The following FOXR1 variants were observed in gnomAD, a reference collection of about 807,000 sequenced individuals.
FOXR1 encodes forkhead box protein R1.
In FOXR1, 25 loss-of-function variants were observed where a neutral mutation model predicts 34.5. That is an observed-to-expected ratio of 0.72 (90% CI 0.53 to 1.01). The LOEUF is 1.01. FOXR1 is among the 50% of genes least tolerant of loss of function. The pLI is 0.00. For missense variants in FOXR1, 373 were observed against 376.2 expected (o/e 0.99, Z 0.07); for synonymous variants, 153 against 141.6 (o/e 1.08, Z -0.57).
chr11:118,980,773 G>A, intron 5 of FOXR1, 45 bp downstream of exon 5: 4 of 1,569,974 alleles, frequency 2.5e-6, no homozygotes, highest in Non-Finnish European at 3.5e-6. Context: ...AGAGACCTGA[G>A]GATCCTGACC....
intron 1 of FOXR1, among the ~76,000 whole-genome samples, chr11:118,977,988 G>C (rs56004953): frequency 0.013 from 1,948 of 152,234 alleles, 43 homozygotes; most frequent in East Asian, 0.058. Flanking sequence ...GGGAGGGTGA[G>C]GCAGGCAGAT....
At chr11:118,978,347 C>G (rs1447703039) in intron 1 of FOXR1, among the ~76,000 whole-genome samples, 1 of 152,004 alleles carries the variant, frequency 6.6e-6, no homozygotes. Flanking sequence ...AGAGCAAGAC[C>G]CTGTCTCAAA....
chr11:118,978,282 G>A (rs1441094861), intron 1 of FOXR1, among the ~76,000 whole-genome samples: 1 of 152,086 alleles, frequency 6.6e-6, no homozygotes, highest in African/African-American at 2.4e-5. Context: ...AGCTACCTGG[G>A]AGACTGAGGT....
At chr11:118,974,880 A>T (rs1016980473) in intron 1 of FOXR1, among the ~76,000 whole-genome samples, 1 of 152,166 alleles carries the variant, frequency 6.6e-6, no homozygotes, top group African/African-American at 2.4e-5. Context: ...GTTGCCTTGT[A>T]CTGAGTGGGA....
At position 118,978,756 on chromosome 11, in the gene FOXR1, ACTCT is replaced by A. The variant is rs781971219; in HGVS notation, c.62-21_62-18del. ...CAAAGGGATATTCTAGGATGTTTTG[ACTCT>A]CTCTGTCTTTCTTTTTGCCAGTTGC... is the stretch of plus-strand genomic sequence containing the variant. On this transcript the variant is annotated intron_variant, in intron 1 of 5. Transcript: ENST00000317011. 5 of 1,612,424 alleles carry A rather than the reference ACTCT, an allele frequency of 3.1e-6. No homozygotes were observed. In the Admixed American group the frequency reaches 5.0e-5, roughly 16 times the overall value.
At chr11:118,979,328 C>G (rs1941821947) in intron 3 of FOXR1, 114 bp from the exon 4 acceptor site, 1 of 1,491,416 alleles carries the variant, frequency 6.7e-7, no homozygotes, top group Non-Finnish European at 8.9e-7. Context: ...TACCTACATG[C>G]TTGGGTTGGG....
chr11:118,980,682 G>C lies in FOXR1; in HGVS notation c.804G>C (p.Leu268Phe), dbSNP rs781833953. ...HRRFAEEARA[L>F]ASTRLESIQQ... ...GCTTTGCGGAGGAGGCCCGCGCCTT[G>C]GCTTCCACTCGGCTAGAAAGTATCC... Residue 268 changes from leucine to phenylalanine, a missense_variant, in exon 5 of 6, where the codon TTG (leucine) becomes TTC (phenylalanine). Coordinates refer to ENST00000317011, the MANE Select transcript of FOXR1 (RefSeq NM_181721.3). The C allele has an allele frequency of 6.2e-7, 1 of 1,614,020 alleles. No individual in the cohort carries two copies. Among genetic ancestry groups the C allele is most frequent in the Non-Finnish European group, 8.5e-7 (1 of 1,180,046 alleles).
chr11:118,971,814 C>T lies in FOXR1; in HGVS notation c.-118C>T. ...CTCCTCAGCCGCCGCGCTCCCACTC[C>T]GCGTCCCCACTCCGCGCCGCCGCGC... On this transcript the variant is annotated 5_prime_UTR_variant, in exon 1 of 6. Transcript: ENST00000317011. The T allele has an allele frequency of 1.8e-6, 2 of 1,123,578 alleles. No individual in the cohort carries two copies. Among genetic ancestry groups the T allele is most frequent in the Non-Finnish European group, 2.6e-6 (2 of 767,946 alleles). 69.6% of individuals were successfully genotyped at this position (1,123,578 alleles called of 1,614,324 possible).
chr11:118,972,069 G>C lies in FOXR1; in HGVS notation c.61+77G>C. 4 of 1,257,388 alleles carry C rather than the reference G, an allele frequency of 3.2e-6. No homozygotes were observed. In the South Asian group the frequency reaches 3.9e-5, roughly 12 times the overall value. 77.9% of individuals were successfully genotyped at this position (1,257,388 alleles called of 1,614,324 possible). A position where few individuals can be genotyped will look rare whatever the true frequency, so the allele number is the denominator to read the frequency against. On this transcript the variant is annotated intron_variant, in intron 1 of 5. Transcript: ENST00000317011. ...TAGGGGCTCGCGGGACCCCGGGGCA[G>C]ACGGCTCCCCAGCCTTCGCCCCCAC...
chr11:118,973,241 A>G (rs571909070), intron 1 of FOXR1, among the ~76,000 whole-genome samples: 1 of 152,162 alleles, frequency 6.6e-6, no homozygotes, highest in Non-Finnish European at 1.5e-5. Context: ...TACACAGTGA[A>G]TAGAACAGAC....
At chr11:118,973,411 G>A (rs1311817669) in intron 1 of FOXR1, among the ~76,000 whole-genome samples, 3 of 151,652 alleles carry the variant, frequency 2.0e-5, no homozygotes, top group Admixed American at 6.6e-5. Context: ...GCTACAGTTT[G>A]TTTTTTTTGT....
Position 118,978,958 on chromosome 11 carries a change from T to C in FOXR1, c.138T>C (p.Gly46=). The part of the protein sequence containing the change: ...LEKKPNPDKD[G]PDYEPNLWMW... ...CACACAATCTTTTGTTCTGCACAGGTCCAGATTATGAGCCCAACCTCTGGA... is the reference window on the plus strand; with the variant it reads ...CACACAATCTTTTGTTCTGCACAGGCCCAGATTATGAGCCCAACCTCTGGA... The change falls in exon 3 of 6, where the codon GGT becomes GGC. Residue 46 remains glycine (G), a splice_region_variant and synonymous_variant. Transcript: ENST00000317011. 2 of 1,608,928 alleles carry C rather than the reference T, an allele frequency of 1.2e-6. No homozygotes were observed. Among genetic ancestry groups the C allele is most frequent in the Non-Finnish European group, 1.7e-6 (2 of 1,176,760 alleles).
At position 118,971,956 on chromosome 11, in the gene FOXR1, T is replaced by C; in HGVS notation, c.25T>C (p.Phe9Leu). 2 of 1,554,696 alleles carry C rather than the reference T, an allele frequency of 1.3e-6. No individual in the cohort carries two copies. The highest frequency in any genetic ancestry group is 1.7e-6 in the Non-Finnish European group (2 of 1,148,482). MGNELFLA[F>L]TTSHLPLAEQ... is the part of the protein sequence containing the mutation. ...CATGGGGAACGAGCTCTTTCTGGCC[T>C]TCACCACATCTCACCTCCCCTTAGC... Residue 9 changes from phenylalanine (F) to leucine (L), a missense_variant, in exon 1 of 6, where the codon TTC becomes CTC. Phe to Leu is a conservative substitution (Grantham distance 22, BLOSUM62 0). Transcript: ENST00000317011.
At chr11:118,977,824 C>T (rs1000639502) in intron 1 of FOXR1, among the ~76,000 whole-genome samples, 3 of 152,160 alleles carry the variant, frequency 2.0e-5, no homozygotes, top group African/African-American at 4.8e-5. Flanking sequence ...TGGTAGCTCA[C>T]GCCCGTAATC....
chr11:118,981,059 C>T, intron 5 of FOXR1, 149 bp from the exon 6 acceptor site: 1 of 784,644 alleles, frequency 1.3e-6, no homozygotes, highest in South Asian at 1.5e-5. Context: ...CTTCTACTTT[C>T]CCTGGAGCAG....
intron 1 of FOXR1, among the ~76,000 whole-genome samples, chr11:118,974,733 G>A (rs1941758445): frequency 6.6e-6 from 1 of 152,320 alleles, no homozygotes; most frequent in South Asian, 2.1e-4. Flanking sequence ...TAGTAATCCA[G>A]ACAAGAGATG....
At chr11:118,979,758 G>A in intron 4 of FOXR1, 90 bp downstream of exon 4, 1 of 1,254,676 alleles carries the variant, frequency 8.0e-7, no homozygotes, top group Non-Finnish European at 1.1e-6. Context: ...CTGGGTTGCT[G>A]ACCTGGTTTC....
At chr11:118,972,847 A>G (rs1290405966) in intron 1 of FOXR1, among the ~76,000 whole-genome samples, 5 of 151,896 alleles carry the variant, frequency 3.3e-5, no homozygotes, top group Non-Finnish European at 5.9e-5. Context: ...CGGCCTCCCA[A>G]AAGTGCTGGG....
rs782667971 is a variant in FOXR1, at chr11:118,979,183, C to T, written c.363C>T (p.Ala121=). ...GGTCTCCCCCTCGGAAGCGGTTTGC[C>T]TTTTCCCCCAGCACCTGGGAGGTAT... ...SKRSPPRKRF[A]FSPSTWELTE... Residue 121 remains alanine (A), a synonymous_variant, in exon 3 of 6, where the codon GCC becomes GCT. Transcript: ENST00000317011. The T allele has an allele frequency of 2.0e-6, 3 of 1,531,654 alleles. No homozygotes were observed. In the South Asian group the frequency reaches 3.9e-5, roughly 20 times the overall value. 94.9% of individuals were successfully genotyped at this position (1,531,654 alleles called of 1,614,324 possible). A position where few individuals can be genotyped will look rare whatever the true frequency, so the allele number is the denominator to read the frequency against.
Sources: gnomAD v4.1 joint callset for allele counts (sites outside exome capture counted in the v4.1 genomes callset) on GRCh38, gnomAD v4.1.1 for gene constraint, MANE v1.5 for transcripts, NCBI Gene and HGNC (gene_info 2026-07-23, HGNC 2026-07-21) for gene names.